Variants in RTN1 observed in about 807,000 individuals in gnomAD.
The protein encoded by RTN1 is reticulon 1.
Under a neutral mutation model 65.5 loss-of-function variants are expected in RTN1, and 25 were observed. That is an observed-to-expected ratio of 0.38 (90% confidence interval 0.28 to 0.53). The LOEUF is 0.53. Ranked by LOEUF, RTN1 falls within the 20% of genes least tolerant of loss-of-function variation. The probability of loss-of-function intolerance (pLI) is 0.79; values close to 1 mark genes in which losing one functional copy is unlikely to be tolerated. For synonymous variants in RTN1, 471 were observed against 447.6 expected, an observed-to-expected ratio of 1.05 and a Z score of -0.66; for missense variants, 983 against 1,025.4, an observed-to-expected ratio of 0.96 and a Z score of 0.57.
intron 2 of RTN1, 56 bp downstream of exon 2, chr14:59,745,652 G>C (rs1479441149): frequency 4.3e-6 from 6 of 1,411,496 alleles, no homozygotes; most frequent in Non-Finnish European, 4.8e-6. Context: ...TTGTTTTAGG[G>C]ATTGAGATTT....
intron 3 of RTN1, among the ~76,000 whole-genome samples, chr14:59,715,126 T>C (rs913116904): frequency 6.6e-6 from 1 of 152,198 alleles, no homozygotes; most frequent in Non-Finnish European, 1.5e-5. Context: ...GGACTACTGA[T>C]ATAAACTACA....
At chr14:59,738,280 C>T (rs1885041298) in intron 2 of RTN1, among the ~76,000 whole-genome samples, 1 of 152,116 alleles carries the variant, frequency 6.6e-6, no homozygotes, top group South Asian at 2.1e-4. Context: ...TATCCAGCAT[C>T]TACAAAGAAC....
At chr14:59,807,036 C>G (rs1400106332) in intron 1 of RTN1, among the ~76,000 whole-genome samples, 1 of 152,238 alleles carries the variant, frequency 6.6e-6, no homozygotes, top group Non-Finnish European at 1.5e-5. Flanking sequence ...AATTTTGTAA[C>G]TCTTTACCTC....
At chr14:59,728,371 A>G (rs1884828320) in intron 2 of RTN1, among the ~76,000 whole-genome samples, 1 of 149,918 alleles carries the variant, frequency 6.7e-6, no homozygotes, top group Non-Finnish European at 1.5e-5. Flanking sequence ...GGCTTTCCAT[A>G]GTGGCAGCCC....
Position 59,596,798 on chromosome 14 carries a change from A to G in RTN1, c.2289-11T>C. The G allele has an allele frequency of 1.2e-6, 2 of 1,606,970 alleles. No homozygotes were observed. The highest frequency in any genetic ancestry group is 1.3e-5 in the African/African-American group (1 of 74,920). ...ATTTTAGCCTGAATCCTAAAAAGAC[A>G]GTATCAAAAGGTAGTAAATCACAAG... On this transcript the variant is annotated splice_polypyrimidine_tract_variant and intron_variant, in intron 8 of 8. Transcript: ENST00000267484.
chr14:59,599,966 T>G (rs563181755), intron 8 of RTN1, among the ~76,000 whole-genome samples: 1 of 152,320 alleles, frequency 6.6e-6, no homozygotes, highest in Admixed American at 6.5e-5. Context: ...GGAATTGTAT[T>G]CACTTAAAGC....
intron 2 of RTN1, among the ~76,000 whole-genome samples, chr14:59,732,105 G>T (rs1884909997): frequency 6.6e-6 from 1 of 152,216 alleles, no homozygotes; most frequent in African/African-American, 2.4e-5. Flanking sequence ...TGAAAGGCAG[G>T]CATTGTTCAA....
chr14:59,727,533 G>A lies in RTN1; in HGVS notation c.1151C>T (p.Pro384Leu). The A allele has an allele frequency of 6.2e-7, 1 of 1,608,814 alleles. No individual in the cohort carries two copies. The highest frequency in any genetic ancestry group is 8.5e-7 in the Non-Finnish European group (1 of 1,178,272). ...CGGTCCGGACCTGGCCTTGACCTCGGGCCTGTCGGCCAGCTGGCCCACCGG... is the reference window on the plus strand; with the variant it reads ...CGGTCCGGACCTGGCCTTGACCTCGAGCCTGTCGGCCAGCTGGCCCACCGG... ...PRPVGQLADRPEVKARSGPPT... is the reference protein window; with the variant it reads ...PRPVGQLADRLEVKARSGPPT... Residue 384 changes from proline (P) to leucine (L), a missense_variant, in exon 3 of 9, where the codon CCC becomes CTC. Pro to Leu is a moderately conservative substitution (Grantham distance 98, BLOSUM62 -3). Around this residue, in one of 2 missense-constraint regions of RTN1, gnomAD observed 818 missense variants for 801.8 expected, o/e 1.02. Transcript: ENST00000267484. This position sits in a 1 kb window ranked among gnomAD's most constrained non-coding sequence, Gnocchi z 4.2.
intron 3 of RTN1, among the ~76,000 whole-genome samples, chr14:59,679,894 G>C (rs1315194839): frequency 6.6e-6 from 1 of 152,106 alleles, no homozygotes; most frequent in Admixed American, 6.6e-5. Flanking sequence ...TAACAGGTTG[G>C]GGGTTGGGGT....
At chr14:59,640,894 ATTTCT>A (rs1267622845) in intron 3 of RTN1, among the ~76,000 whole-genome samples, 2 of 151,116 alleles carry the variant, frequency 1.3e-5, no homozygotes, top group African/African-American at 4.9e-5. Flanking sequence ...ATTTTCAATT[ATTTCT>A]TTTCTTTTGC....
intron 3 of RTN1, among the ~76,000 whole-genome samples, chr14:59,710,015 CCTCCT>C (rs780971553): frequency 4.3e-4 from 54 of 126,492 alleles, no homozygotes; most frequent in African/African-American, 1.4e-3. Context: ...CTTTTTCTTT[CCTCCT>C]CTCCTCTCCT....
chr14:59,841,641 A>G (rs1476857652), intron 1 of RTN1, among the ~76,000 whole-genome samples: 2 of 151,318 alleles, frequency 1.3e-5, no homozygotes, highest in African/African-American at 4.9e-5. Context: ...CAGGAGGCAG[A>G]GGATGCAGTG....
intron 1 of RTN1, among the ~76,000 whole-genome samples, chr14:59,749,725 CTATATATTTA>C (rs796340205): frequency 1.2e-4 from 3 of 24,986 alleles, no homozygotes; most frequent in East Asian, 1.2e-3. Context: ...ATTTATATAT[CTATATATTTA>C]TATATATATC....
intron 1 of RTN1, among the ~76,000 whole-genome samples, chr14:59,793,106 C>T (rs78202610): frequency 0.017 from 2,603 of 152,250 alleles, 70 homozygotes; most frequent in East Asian, 0.056. Flanking sequence ...GAACAAATTA[C>T]TGAAACTAGC....
chr14:59,834,059 G>A (rs1887172439), intron 1 of RTN1, among the ~76,000 whole-genome samples: 2 of 151,948 alleles, frequency 1.3e-5, no homozygotes, highest in Non-Finnish European at 2.9e-5. Context: ...AATTGGACTC[G>A]AACATAAATG....
chr14:59,773,833 G>T (rs558555480), intron 1 of RTN1, among the ~76,000 whole-genome samples: 3 of 152,140 alleles, frequency 2.0e-5, no homozygotes, highest in Admixed American at 1.3e-4. Flanking sequence ...AAGAGAAGAT[G>T]AAAGAAAAAG....
At chr14:59,804,859 T>C (rs1037331829) in intron 1 of RTN1, among the ~76,000 whole-genome samples, 1 of 152,214 alleles carries the variant, frequency 6.6e-6, no homozygotes, top group African/African-American at 2.4e-5. Flanking sequence ...AATTAGCCTA[T>C]TTAGCTTAGT....
chr14:59,806,008 T>A (rs1042955888), intron 1 of RTN1, among the ~76,000 whole-genome samples: 6 of 151,846 alleles, frequency 4.0e-5, no homozygotes, highest in Non-Finnish European at 8.8e-5. Context: ...GAGGCTGAGG[T>A]GGGCGGATCA....
intron 3 of RTN1, among the ~76,000 whole-genome samples, chr14:59,638,418 A>T (rs1956368): frequency 0.8 from 121,704 of 152,122 alleles, 48,793 homozygotes; most frequent in Admixed American, 0.86. Flanking sequence ...CCAGGCTTTG[A>T]TGTTAAATTT....
Sources: gnomAD v4.1 joint callset for allele counts (sites outside exome capture counted in the v4.1 genomes callset) on GRCh38, gnomAD v4.1.1 for gene constraint, gnomAD v4.1.1 regional missense constraint, Gnocchi (gnomAD v3.1) non-coding constraint, MANE v1.5 for transcripts, NCBI Gene and HGNC (gene_info 2026-07-23, HGNC 2026-07-21) for gene names.